The following DDX10 variants were observed in gnomAD, a reference collection of about 807,000 sequenced individuals.
DDX10 encodes the protein probable ATP-dependent RNA helicase DDX10.
DDX10 carries 74 observed loss-of-function variants against 104.3 expected under a neutral mutation model. That is an observed-to-expected ratio of 0.71 (90% confidence interval 0.59 to 0.86). The LOEUF (loss-of-function observed/expected upper bound fraction) is 0.86. Ranked by LOEUF, DDX10 falls within the 40% of genes least tolerant of loss-of-function variation. DDX10 has a pLI of 0.00. For missense variants in DDX10, 952 were observed against 1,040.0 expected, an observed-to-expected ratio of 0.92 and a Z score of 1.16; for synonymous variants, 351 against 353.4, an observed-to-expected ratio of 0.99 and a Z score of 0.08.
chr11:108,770,267 G>A (rs1020315171), intron 13 of DDX10, among the ~76,000 whole-genome samples: 1 of 152,070 alleles, frequency 6.6e-6, no homozygotes, highest in Non-Finnish European at 1.5e-5. Flanking sequence ...AGCCCCTGAA[G>A]CATTTATTTA....
chr11:108,688,614 G>A (rs2094247832), intron 6 of DDX10, among the ~76,000 whole-genome samples: 1 of 152,116 alleles, frequency 6.6e-6, no homozygotes, highest in African/African-American at 2.4e-5. Context: ...AAGCCCTAAT[G>A]AGATGTGGAA....
chr11:108,671,972 A>G (rs912380661), intron 1 of DDX10, among the ~76,000 whole-genome samples: 1 of 150,214 alleles, frequency 6.7e-6, no homozygotes, highest in Non-Finnish European at 1.5e-5. Context: ...GAGGCAGGAG[A>G]ATGGCGTGAA....
intron 16 of DDX10, among the ~76,000 whole-genome samples, chr11:108,863,479 C>T (rs1862966777): frequency 6.6e-6 from 1 of 152,136 alleles, no homozygotes; most frequent in Non-Finnish European, 1.5e-5. Flanking sequence ...ACTACAGATA[C>T]ATTTGATTTT....
chr11:108,858,821 G>T (rs1408735398), intron 16 of DDX10, among the ~76,000 whole-genome samples: 5 of 152,148 alleles, frequency 3.3e-5, no homozygotes, highest in African/African-American at 1.2e-4. Flanking sequence ...AAACTTGAGT[G>T]TATGGTACTG....
intron 6 of DDX10, among the ~76,000 whole-genome samples, chr11:108,682,815 G>A (rs1029492118): frequency 2.6e-5 from 4 of 151,784 alleles, no homozygotes; most frequent in South Asian, 2.1e-4. Flanking sequence ...GTGAAACAGC[G>A]TTTTGACCTT....
chr11:108,764,684 A>G (rs915244644), intron 13 of DDX10, among the ~76,000 whole-genome samples: 10 of 152,158 alleles, frequency 6.6e-5, no homozygotes, highest in Non-Finnish European at 7.3e-5. Context: ...AACAAAACAA[A>G]AATGAACAGA....
At position 108,723,022 on chromosome 11, in the gene DDX10, C is replaced by T. The variant is rs755086724; in HGVS notation, c.1525C>T (p.Arg509Cys). 1.6e-5 allele frequency: 25 copies of T among 1,610,678 alleles called. No homozygotes were observed. Among genetic ancestry groups the T allele is most frequent in the South Asian group, 8.8e-5 (8 of 90,520 alleles). ...ALSLGLAVAP[R>C]VRFLQKMQKQ... is the part of the protein sequence containing the mutation. Reference sequence around the variant, plus strand: ...GTCTCTTGGTCTTGCTGTGGCACCACGCGTAAGATTTCTTCAGAAAATGCA... The same window carrying T: ...GTCTCTTGGTCTTGCTGTGGCACCATGCGTAAGATTTCTTCAGAAAATGCA... Residue 509 changes from arginine to cysteine, a missense_variant, in exon 13 of 18, where the codon CGC becomes TGC. Physicochemically the swap from Arg to Cys is radical, Grantham distance 180. Transcript: ENST00000322536.
At chr11:108,808,544 CT>C (rs1862131653) in intron 13 of DDX10, among the ~76,000 whole-genome samples, 1 of 152,064 alleles carries the variant, frequency 6.6e-6, no homozygotes, top group African/African-American at 2.4e-5. Flanking sequence ...GTGAAATTTC[CT>C]GTCGTGGGAG....
At chr11:108,936,218 A>T (rs1244513805) in intron 17 of DDX10, among the ~76,000 whole-genome samples, 1 of 152,176 alleles carries the variant, frequency 6.6e-6, no homozygotes, top group Non-Finnish European at 1.5e-5. Flanking sequence ...TACATATTAC[A>T]TGCTGATTTT....
At chr11:108,780,879 A>G (rs2094377252) in intron 13 of DDX10, among the ~76,000 whole-genome samples, 1 of 152,200 alleles carries the variant, frequency 6.6e-6, no homozygotes, top group African/African-American at 2.4e-5. Flanking sequence ...TCACTTATAA[A>G]CAAGCTCGTT....
intron 16 of DDX10, among the ~76,000 whole-genome samples, chr11:108,891,700 GA>G (rs1450478605): frequency 7.2e-5 from 11 of 152,070 alleles, no homozygotes; most frequent in Non-Finnish European, 2.9e-5. Flanking sequence ...AAGTCAGCAC[GA>G]ACCCGGTCCT....
intron 16 of DDX10, among the ~76,000 whole-genome samples, chr11:108,915,602 T>C (rs1863737553): frequency 6.6e-6 from 1 of 152,194 alleles, no homozygotes; most frequent in South Asian, 2.1e-4. Flanking sequence ...CAATGTATGA[T>C]GTTACAAAAT....
intron 16 of DDX10, among the ~76,000 whole-genome samples, chr11:108,858,159 C>T (rs1053264972): frequency 1.3e-4 from 20 of 152,136 alleles, no homozygotes; most frequent in Non-Finnish European, 2.9e-5. Flanking sequence ...TTTCCCTCTG[C>T]CTAGGATATC....
At position 108,940,672 on chromosome 11, in the gene DDX10, G is replaced by C. The variant is rs1565325346; in HGVS notation, c.*249G>C. 2.9e-6 allele frequency: 1 copy of C among 343,182 alleles called. No individual in the cohort carries two copies. Among genetic ancestry groups the C allele is most frequent in the Non-Finnish European group, 5.3e-6 (1 of 188,322 alleles). 21.3% of individuals were successfully genotyped at this position (343,182 alleles called of 1,614,324 possible). A position where few individuals can be genotyped will look rare whatever the true frequency, so the allele number is the denominator to read the frequency against. On this transcript the variant is annotated 3_prime_UTR_variant, in exon 18 of 18. Coordinates refer to ENST00000322536, the MANE Select transcript of DDX10 (RefSeq NM_004398.4). ...CCGTTTTCCAGCATGTGTTCTGTTA[G>C]ATTTTTATCCATGGGTTCCTACGCC...
At chr11:108,720,613 CAG>C (rs954090817) in intron 12 of DDX10, among the ~76,000 whole-genome samples, 6 of 151,970 alleles carry the variant, frequency 3.9e-5, no homozygotes, top group South Asian at 4.2e-4. Context: ...GGGGAGGAGA[CAG>C]GGTCTTATTC....
At chr11:108,818,182 G>A (rs897542402) in intron 13 of DDX10, among the ~76,000 whole-genome samples, 20 of 152,164 alleles carry the variant, frequency 1.3e-4, no homozygotes, top group Non-Finnish European at 2.5e-4. Context: ...AAGGTAGAGC[G>A]TATTACAACA....
chr11:108,777,470 G>T (rs1357846214), intron 13 of DDX10, among the ~76,000 whole-genome samples: 1 of 151,998 alleles, frequency 6.6e-6, no homozygotes, highest in Non-Finnish European at 1.5e-5. Flanking sequence ...TTACAGGCGC[G>T]TGCCACTGCA....
chr11:108,794,407 T>G (rs1861911514), intron 13 of DDX10, among the ~76,000 whole-genome samples: 1 of 152,182 alleles, frequency 6.6e-6, no homozygotes. Flanking sequence ...CACTAAAACC[T>G]CTAATACAAT....
intron 13 of DDX10, among the ~76,000 whole-genome samples, chr11:108,803,892 C>G (rs1391310502): frequency 2.0e-5 from 3 of 152,120 alleles, no homozygotes; most frequent in Non-Finnish European, 4.4e-5. Flanking sequence ...TTTTGCTATC[C>G]TATGAGGGTT....
Sources: gnomAD v4.1 joint callset for allele counts (sites outside exome capture counted in the v4.1 genomes callset) on GRCh38, gnomAD v4.1.1 for gene constraint, MANE v1.5 for transcripts, NCBI Gene and HGNC (gene_info 2026-07-23, HGNC 2026-07-21) for gene names.